Variants in RYR1 observed in about 807,000 individuals in gnomAD.
The protein encoded by RYR1 is central core disease of muscle.
Under a neutral mutation model 583.5 loss-of-function variants are expected in RYR1, and 342 were observed. The observed-to-expected ratio is 0.59, with a 90% CI of 0.54 to 0.64. The LOEUF (loss-of-function observed/expected upper bound fraction) is 0.64, where lower values mean the gene tolerates loss of function less well. Ranked by LOEUF, RYR1 falls within the 30% of genes least tolerant of loss-of-function variation. RYR1 has a pLI of 0.00. For synonymous variants in RYR1, 2,791 were observed against 2,822.5 expected (o/e 0.99, Z 0.35); for missense variants, 6,032 against 6,917.2 (o/e 0.87, Z 4.54).
chr19:38,505,239 C>T (rs1029602860), intron 52 of RYR1, 70 bp from the exon 53 acceptor site: 1 of 1,235,818 alleles, frequency 8.1e-7, no homozygotes, highest in Non-Finnish European at 1.2e-6. Context: ...CTGTCCTCGG[C>T]TCCTCCAGGG....
chr19:38,497,740 G>A (rs545851994), intron 42 of RYR1, among the ~76,000 whole-genome samples: 8 of 152,252 alleles, frequency 5.3e-5, no homozygotes, highest in East Asian at 1.9e-4. Context: ...TTGGGAGGCC[G>A]AGGCAGGAGG....
At chr19:38,533,110 G>C (rs1248273907) in intron 78 of RYR1, among the ~76,000 whole-genome samples, 2 of 152,048 alleles carry the variant, frequency 1.3e-5, no homozygotes, top group Non-Finnish European at 2.9e-5. Context: ...GACCCAGCCT[G>C]CAGGAAAATG....
At chr19:38,521,072 T>G (rs1971207481) in intron 67 of RYR1, among the ~76,000 whole-genome samples, 1 of 151,900 alleles carries the variant, frequency 6.6e-6, no homozygotes, top group South Asian at 2.1e-4. Context: ...CTCAGGAATT[T>G]GAGACCAGCC....
Position 38,452,872 on chromosome 19 carries a change from C to T in RYR1, c.1298C>T (p.Thr433Met), listed in dbSNP as rs773794000. The change falls in exon 13 of 106, where the codon ACG becomes ATG. Residue 433 changes from threonine to methionine, a missense_variant. Physicochemically the swap from Thr to Met is moderately conservative, Grantham distance 81 (BLOSUM62 -1). Around this residue, in one of 11 missense-constraint regions of RYR1, gnomAD observed 2,627 missense variants for 2,961.3 expected, o/e 0.89. Transcript: ENST00000359596. ...KPRGSGPPAG[T>M]ALPIEGVILS... ...CGGGGCTCGGGGCCACCCGCTGGCA[C>T]GGCGCTGCCCATCGAGGGCGTTATC... 5.0e-6 allele frequency: 8 copies of T among 1,609,992 alleles called. No individual in the cohort carries two copies. Among genetic ancestry groups the T allele is most frequent in the East Asian group, 2.2e-5 (1 of 44,734 alleles).
intron 38 of RYR1, 136 bp from the exon 39 acceptor site, chr19:38,494,216 C>G (rs777827802): frequency 4.2e-6 from 4 of 941,416 alleles, no homozygotes; most frequent in Non-Finnish European, 5.0e-6. Context: ...CTGCTCCCAG[C>G]AGGTGGAGGG....
At chr19:38,529,464 A>G (rs546387222) in intron 76 of RYR1, among the ~76,000 whole-genome samples, 1 of 152,308 alleles carries the variant, frequency 6.6e-6, no homozygotes, top group African/African-American at 2.4e-5. Context: ...TGGGCGACAG[A>G]GCGAGACTCT....
rs1228185652 is a variant in RYR1, at chr19:38,565,690, C to G, written c.13356C>G (p.Gly4452=). ...DGGPFRPEGA[G]GLGDMGDTTP... Reference sequence around the variant, plus strand: ...GCCCCTTCCGGCCCGAAGGGGCTGGCGGTCTCGGGGACATGGGGGACACGA... The same window carrying G: ...GCCCCTTCCGGCCCGAAGGGGCTGGGGGTCTCGGGGACATGGGGGACACGA... The change falls in exon 91 of 106, where the codon GGC becomes GGG. Residue 4452 remains glycine (G), a synonymous_variant. Transcript: ENST00000359596. This position sits in a 1 kb window ranked among gnomAD's most constrained non-coding sequence, Gnocchi z 4.7. The G allele has an allele frequency of 2.1e-6, 3 of 1,409,254 alleles. No homozygotes were observed. The highest frequency in any genetic ancestry group is 2.8e-6 in the Non-Finnish European group (3 of 1,090,546). 87.3% of individuals were successfully genotyped at this position (1,409,254 alleles called of 1,614,324 possible).
chr19:38,465,492 C>T (rs1258203609), intron 23 of RYR1, among the ~76,000 whole-genome samples: 1 of 151,596 alleles, frequency 6.6e-6, no homozygotes. Flanking sequence ...GAGCCGGGCT[C>T]AGTCGCTCAC....
In RYR1 at chr19:38,565,119, A is replaced by ACGAGGG. The variant is rs1463161041; in HGVS notation, c.12788_12793dup (p.Glu4263_Gly4264dup). On this transcript the variant is annotated inframe_insertion, in exon 91 of 106. Transcript: ENST00000359596. The surrounding 1 kb of genome is among the most constrained non-coding windows in gnomAD (Gnocchi z 4.7). Reference sequence around the variant, plus strand: ...GAGGGCGAGCCGGAGACCGACGAGGACGAGGGCGCGGGCGCGGCGGAGGCG... The same window carrying ACGAGGG: ...GAGGGCGAGCCGGAGACCGACGAGGACGAGGGCGAGGGCGCGGGCGCGGCGGAGGCG... The ACGAGGG allele has an allele frequency of 4.6e-6, 7 of 1,538,414 alleles. No individual in the cohort carries two copies. Among genetic ancestry groups the ACGAGGG allele is most frequent in the East Asian group, 2.4e-5 (1 of 41,044 alleles).
intron 99 of RYR1, among the ~76,000 whole-genome samples, 173 bp downstream of exon 99, chr19:38,578,377 G>GTAT (rs960401090): frequency 6.6e-6 from 1 of 152,068 alleles, no homozygotes; most frequent in Non-Finnish European, 1.5e-5. Flanking sequence ...CATCTTATTA[G>GTAT]TATTATTATT....
intron 3 of RYR1, among the ~76,000 whole-genome samples, chr19:38,443,089 C>T (rs1458291332): frequency 6.6e-6 from 1 of 152,164 alleles, no homozygotes; most frequent in African/African-American, 2.4e-5. Flanking sequence ...TGGGGAGGGG[C>T]GGCTGTCTTA....
intron 98 of RYR1, 29 bp from the exon 99 acceptor site, chr19:38,578,115 A>G (rs370349890): frequency 2.4e-5 from 39 of 1,613,002 alleles, no homozygotes; most frequent in Non-Finnish European, 2.5e-6. Flanking sequence ...CTGACACTCA[A>G]GCATCTCTCC....
chr19:38,440,413 C>T (rs2145318705), intron 1 of RYR1, among the ~76,000 whole-genome samples: 1 of 152,296 alleles, frequency 6.6e-6, no homozygotes, highest in Admixed American at 6.5e-5. Context: ...GTGGTGCACG[C>T]TTGTAATTTC....
intron 9 of RYR1, 140 bp downstream of exon 9, chr19:38,446,908 G>C: frequency 1.4e-6 from 1 of 689,802 alleles, no homozygotes; most frequent in Non-Finnish European, 2.4e-6. Context: ...CTGAGAGAGA[G>C]ATGAAAATCT....
chr19:38,494,852 C>CTTTTTTTTTTTTTTTTTTTT (rs780267024), intron 39 of RYR1, among the ~76,000 whole-genome samples: 1 of 142,114 alleles, frequency 7.0e-6, no homozygotes. Flanking sequence ...CCCACCCCCC[C>CTTTTTTTTTTTTTTTTTTTT]CTTTTTTTTT....
chr19:38,567,312 C>A (rs1052247429), intron 92 of RYR1, among the ~76,000 whole-genome samples: 1 of 151,844 alleles, frequency 6.6e-6, no homozygotes, highest in Non-Finnish European at 1.5e-5. Flanking sequence ...GGTGACAGAG[C>A]AAGACCCTGT....
intron 89 of RYR1, among the ~76,000 whole-genome samples, chr19:38,553,369 G>A (rs532239767): frequency 6.6e-6 from 1 of 151,266 alleles, no homozygotes; most frequent in South Asian, 2.1e-4. Context: ...ATATAGCCAG[G>A]TGCTGTGGCT....
In RYR1 at chr19:38,565,660, T is replaced by TG; in HGVS notation, c.13331dup (p.Phe4446LeufsTer137). 2 of 1,385,452 alleles carry TG rather than the reference T, an allele frequency of 1.4e-6. No homozygotes were observed. Among genetic ancestry groups the TG allele is most frequent in the Non-Finnish European group, 1.9e-6 (2 of 1,080,442 alleles). 85.8% of individuals were successfully genotyped at this position (1,385,452 alleles called of 1,614,324 possible). A position where few individuals can be genotyped will look rare whatever the true frequency, so the allele number is the denominator to read the frequency against. On this transcript the variant is annotated frameshift_variant, in exon 91 of 106. Coordinates refer to ENST00000359596, the MANE Select transcript of RYR1 (RefSeq NM_000540.3). LOFTEE classifies it high-confidence loss of function. The surrounding 1 kb of genome is among the most constrained non-coding windows in gnomAD (Gnocchi z 4.7). ...CCGACGGGGCGGTGGCCGTGACCGA[T>TG]GGGGGCCCCTTCCGGCCCGAAGGGG... is the stretch of plus-strand genomic sequence containing the variant.
chr19:38,437,988 T>A (rs1299929447), intron 1 of RYR1, among the ~76,000 whole-genome samples: 1 of 140,000 alleles, frequency 7.1e-6, no homozygotes, highest in Non-Finnish European at 1.5e-5. Context: ...CCCAGTCTCT[T>A]AAAAAAAAAA....
Sources: gnomAD v4.1 joint callset for allele counts (sites outside exome capture counted in the v4.1 genomes callset) on GRCh38, gnomAD v4.1.1 for gene constraint, gnomAD v4.1.1 regional missense constraint, Gnocchi (gnomAD v3.1) non-coding constraint, MANE v1.5 for transcripts, NCBI Gene and HGNC (gene_info 2026-07-23, HGNC 2026-07-21) for gene names.